Variants in ASXL2 observed in about 807,000 individuals in gnomAD.
ASXL2 encodes ASXL transcriptional regulator 2, also known as putative Polycomb group protein ASXL2.
A neutral mutation model predicts 122.0 loss-of-function variants in ASXL2; 23 were observed. The ratio of observed to expected loss-of-function variants is 0.19; its 90% CI spans 0.14 to 0.27. The LOEUF is 0.27. ASXL2 is among the 10% of genes least tolerant of loss of function. The pLI, the probability that ASXL2 is intolerant of heterozygous loss-of-function variation, is 1.00. For missense variants in ASXL2, 1,518 were observed against 1,713.8 expected (o/e 0.89, Z 2.02); for synonymous variants, 650 against 637.0 (o/e 1.02, Z -0.31).
intron 1 of ASXL2, among the ~76,000 whole-genome samples, chr2:25,866,225 G>A (rs1307097969): frequency 2.0e-5 from 3 of 151,596 alleles, no homozygotes; most frequent in African/African-American, 7.3e-5. Flanking sequence ...CTGCCTCCTG[G>A]GTTCAAGCGA....
rs2088673155 is a variant in ASXL2 at position 25,783,080 on chromosome 2, G to T, written c.404-11540C>A. Among the ~76,000 whole-genome samples, 4 of 152,282 alleles carry T rather than the reference G, an allele frequency of 2.6e-5. No individual in the cohort carries two copies. In the East Asian group the frequency reaches 7.7e-4, roughly 29 times the overall value. On this transcript the variant is annotated intron_variant, in intron 5 of 12. Transcript: ENST00000435504. ...GGAGGCGGAGGCTGCAGTGAGCCAA[G>T]ATCGTACCACTGCACTCCAGCCTGG...
At chr2:25,799,735 T>C (rs1574422725) in intron 4 of ASXL2, among the ~76,000 whole-genome samples, 200 bp from the exon 5 acceptor site, 1 of 152,198 alleles carries the variant, frequency 6.6e-6, no homozygotes, top group East Asian at 1.9e-4. Flanking sequence ...TATCCGAAGA[T>C]AAAAATTATA....
rs1453238188 is a variant in ASXL2, at chr2:25,736,441, C to T, written c.*5588G>A. 1 of 146,212 alleles carries T rather than the reference C, an allele frequency of 6.8e-6. No homozygotes were observed. The highest frequency in any genetic ancestry group is 6.8e-5 in the Admixed American group (1 of 14,698). The allele number at this position is 146,212 out of a possible 1,614,324, so 9.1% of individuals were successfully genotyped here. A position where few individuals can be genotyped will look rare whatever the true frequency, so the allele number is the denominator to read the frequency against. On this transcript the variant is annotated 3_prime_UTR_variant, in exon 13 of 13. Transcript: ENST00000435504. ...TATACACATTTAAATATTTTACCTT[C>T]ATTCTTATTATATATGGAAATTATG...
At chr2:25,847,506 A>G (rs767117442) in intron 1 of ASXL2, among the ~76,000 whole-genome samples, 3 of 152,222 alleles carry the variant, frequency 2.0e-5, no homozygotes, top group Non-Finnish European at 4.4e-5. Flanking sequence ...AGTCTGTTAA[A>G]AAACTATTAA....
intron 5 of ASXL2, among the ~76,000 whole-genome samples, chr2:25,779,702 A>G (rs184211439): frequency 1.3e-5 from 2 of 152,192 alleles, no homozygotes; most frequent in Non-Finnish European, 2.9e-5. Context: ...TACATTAAAA[A>G]TTTTAAATTA....
At chr2:25,776,590 T>C (rs1288239627) in intron 5 of ASXL2, among the ~76,000 whole-genome samples, 11 of 152,230 alleles carry the variant, frequency 7.2e-5, no homozygotes, top group Admixed American at 2.6e-4. Flanking sequence ...TTTTCCAAAA[T>C]GGATGCACTA....
chr2:25,866,115 G>A (rs1022140414), intron 1 of ASXL2, among the ~76,000 whole-genome samples: 1 of 151,270 alleles, frequency 6.6e-6, no homozygotes, highest in African/African-American at 2.4e-5. Flanking sequence ...TAAAGCTTAA[G>A]ACTTCAATTT....
chr2:25,769,981 G>A (rs908730718), intron 6 of ASXL2, among the ~76,000 whole-genome samples: 3 of 152,212 alleles, frequency 2.0e-5, no homozygotes, highest in Admixed American at 2.0e-4. Flanking sequence ...TGAGGCAGAA[G>A]CACAAAGTAC....
intron 5 of ASXL2, among the ~76,000 whole-genome samples, chr2:25,790,161 T>C (rs1000892059): frequency 1.3e-5 from 2 of 152,100 alleles, no homozygotes; most frequent in Admixed American, 6.6e-5. Context: ...AAGATAAGCA[T>C]GAAAGCAAGA....
At chr2:25,862,631 G>A (rs1374953089) in intron 1 of ASXL2, among the ~76,000 whole-genome samples, 2 of 152,132 alleles carry the variant, frequency 1.3e-5, no homozygotes, top group Non-Finnish European at 2.9e-5. Flanking sequence ...ACAGAATCCC[G>A]CTCTGTCGGC....
chr2:25,856,197 C>T (rs1458143968), intron 1 of ASXL2, among the ~76,000 whole-genome samples: 1 of 151,912 alleles, frequency 6.6e-6, no homozygotes, highest in Non-Finnish European at 1.5e-5. Flanking sequence ...GCTGGGACTA[C>T]AGGCCTGTAC....
At chr2:25,827,120 C>A (rs920283897) in intron 3 of ASXL2, among the ~76,000 whole-genome samples, 12 of 151,610 alleles carry the variant, frequency 7.9e-5, no homozygotes, top group Admixed American at 3.3e-4. Flanking sequence ...GCATAAGCCA[C>A]CACACCTGGC....
intron 1 of ASXL2, among the ~76,000 whole-genome samples, chr2:25,850,806 T>C (rs1211023901): frequency 6.6e-6 from 1 of 152,194 alleles, no homozygotes; most frequent in Non-Finnish European, 1.5e-5. Context: ...TAAAAATAGA[T>C]GCTTTCCACT....
intron 3 of ASXL2, among the ~76,000 whole-genome samples, chr2:25,829,948 C>A (rs1328947014): frequency 1.3e-5 from 2 of 152,218 alleles, no homozygotes; most frequent in Non-Finnish European, 2.9e-5. Flanking sequence ...TCTGTCCCCA[C>A]AGGCTGAAGA....
chr2:25,744,608 G>A lies in ASXL2; in HGVS notation c.1861-132C>T. The A allele has an allele frequency of 9.7e-7, 1 of 1,028,996 alleles. No individual in the cohort carries two copies. Among genetic ancestry groups the A allele is most frequent in the Non-Finnish European group, 1.4e-6 (1 of 732,432 alleles). 63.7% of individuals were successfully genotyped at this position (1,028,996 alleles called of 1,614,324 possible). On this transcript the variant is annotated intron_variant, in intron 12 of 12. Transcript: ENST00000435504. This position sits in a 1 kb window ranked among gnomAD's most constrained non-coding sequence, Gnocchi z 4.7. Reference sequence around the variant, plus strand: ...CCTGTGACAAACATGGGTGGTCTATGGCCGAGAGGCCAAACCTTGGAGACA... The same window carrying A: ...CCTGTGACAAACATGGGTGGTCTATAGCCGAGAGGCCAAACCTTGGAGACA...
chr2:25,804,379 C>A (rs1445873394), intron 4 of ASXL2, among the ~76,000 whole-genome samples: 1 of 152,260 alleles, frequency 6.6e-6, no homozygotes, highest in East Asian at 1.9e-4. Context: ...ACTGGCCAAT[C>A]ATTTGACAAG....
At position 25,744,472 on chromosome 2, in the gene ASXL2, G is replaced by C. The variant is rs1312749456; in HGVS notation, c.1865C>G (p.Pro622Arg). The change falls in exon 13 of 13, where the codon CCG (proline) becomes CGG (arginine). Residue 622 changes from proline (P) to arginine (R), a missense_variant. By Grantham distance (103) the Pro-to-Arg change is moderately radical. Coordinates refer to ENST00000435504, the MANE Select transcript of ASXL2 (RefSeq NM_018263.6). This position sits in a 1 kb window ranked among gnomAD's most constrained non-coding sequence, Gnocchi z 4.7. ...CGGCATGGGGGAGATTCTGGAGACCGGGATCTGAAAGAAGTAGAGGGGAAA... is the reference window on the plus strand; with the variant it reads ...CGGCATGGGGGAGATTCTGGAGACCCGGATCTGAAAGAAGTAGAGGGGAAA... ...QVRKVPPLKI[P>R]VSRISPMPFH... The C allele has an allele frequency of 1.9e-6, 3 of 1,590,094 alleles. No homozygotes were observed. Among genetic ancestry groups the C allele is most frequent in the Non-Finnish European group, 8.5e-7 (1 of 1,172,786 alleles).
Position 25,878,356 on chromosome 2 carries a change from C to T in ASXL2, c.-134G>A. On this transcript the variant is annotated 5_prime_UTR_variant, in exon 1 of 13. Coordinates refer to ENST00000435504, the MANE Select transcript of ASXL2 (RefSeq NM_018263.6). ...AAGGGAAGTCAGACCGGGGGGGCACCCAAGCAGAGGAAGCGGCGGGGGTGG... is the reference window on the plus strand; with the variant it reads ...AAGGGAAGTCAGACCGGGGGGGCACTCAAGCAGAGGAAGCGGCGGGGGTGG... 1.1e-6 allele frequency: 1 copy of T among 883,204 alleles called. No homozygotes were observed. Among genetic ancestry groups the T allele is most frequent in the Non-Finnish European group, 1.8e-6 (1 of 570,672 alleles). 54.7% of individuals were successfully genotyped at this position (883,204 alleles called of 1,614,324 possible).
chr2:25,829,055 C>CTA (rs2089416574), intron 3 of ASXL2, among the ~76,000 whole-genome samples: 1 of 152,050 alleles, frequency 6.6e-6, no homozygotes, highest in African/African-American at 2.4e-5. Flanking sequence ...GGCCATTTCA[C>CTA]TACTGGTTTA....
Sources: allele counts gnomAD v4.1 joint callset (sites outside exome capture counted in the v4.1 genomes callset), GRCh38; gene constraint gnomAD v4.1.1; non-coding constraint Gnocchi (gnomAD v3.1); transcripts MANE v1.5; gene names NCBI Gene and HGNC (gene_info 2026-07-23, HGNC 2026-07-21).